Variants in OR51D1 observed in about 807,000 individuals in gnomAD.
OR51D1 encodes olfactory receptor 51D1.
For synonymous variants in OR51D1, 187 were observed against 161.1 expected (o/e 1.16, Z -1.22); for missense variants, 452 against 396.2 (o/e 1.14, Z -1.20).
chr11:4,640,108 G>T lies in OR51D1; in HGVS notation c.318G>T (p.Glu106Asp), dbSNP rs772781567. The change falls in exon 2 of 2, where the codon GAG becomes GAT. Residue 106 changes from glutamate (E) to aspartate (D), a missense_variant. Physicochemically the swap from Glu to Asp is conservative, Grantham distance 45. Transcript: ENST00000641817. ...SLFLMGIQEI[E>D]FNICLAQMFL... ...TCCTGATGGGCATCCAGGAGATCGA[G>T]TTCAACATTTGCCTGGCCCAGATGT... is the stretch of plus-strand genomic sequence containing the variant. 1 of 1,614,210 alleles carries T rather than the reference G, an allele frequency of 6.2e-7. No homozygotes were observed. Among genetic ancestry groups the T allele is most frequent in the South Asian group, 1.1e-5 (1 of 91,086 alleles).
At position 4,640,207 on chromosome 11, in the gene OR51D1, T is replaced by C. The variant is rs764478397; in HGVS notation, c.417T>C (p.Ile139=). The change falls in exon 2 of 2, where the codon ATT becomes ATC. Residue 139 remains isoleucine, a synonymous_variant. Coordinates refer to ENST00000641817, the MANE Select transcript of OR51D1 (RefSeq NM_001004751.3). ...TGGCTTTTGACCGCTTTGTGGCCAT[T>C]TGCCACCCATTGCGCCATGCTTCTG... ...LAMAFDRFVA[I]CHPLRHASVL... The C allele has an allele frequency of 7.4e-6, 12 of 1,614,206 alleles. No homozygotes were observed. The highest frequency in any genetic ancestry group is 2.2e-5 in the South Asian group (2 of 91,088).
At position 4,640,536 on chromosome 11, in the gene OR51D1, A is replaced by G. The variant is rs1846953945; in HGVS notation, c.746A>G (p.Lys249Arg). Residue 249 changes from lysine (K) to arginine (R), a missense_variant, in exon 2 of 2, where the codon AAG becomes AGG. Physicochemically the swap from Lys to Arg is conservative, Grantham distance 26. Coordinates refer to ENST00000641817, the MANE Select transcript of OR51D1 (RefSeq NM_001004751.3). ...LELSSRRAALKAFNTCISHLC... is the reference protein window; with the variant it reads ...LELSSRRAALRAFNTCISHLC... ...CTGTCCTCTCGGAGGGCAGCACTCA[A>G]GGCTTTCAACACCTGCATCTCCCAC... 1 of 1,612,722 alleles carries G rather than the reference A, an allele frequency of 6.2e-7. No individual in the cohort carries two copies. Among genetic ancestry groups the G allele is most frequent in the Non-Finnish European group, 8.5e-7 (1 of 1,179,872 alleles).
chr11:4,639,960 C>T lies in OR51D1; in HGVS notation c.170C>T (p.Thr57Ile), dbSNP rs138224979. The change falls in exon 2 of 2, where the codon ACC becomes ATC. Residue 57 changes from threonine (T) to isoleucine (I), a missense_variant. By Grantham distance (89) the Thr-to-Ile change is moderately conservative. Coordinates refer to ENST00000641817, the MANE Select transcript of OR51D1 (RefSeq NM_001004751.3). ...GCCTTGGCCACCCTGGGTAACCTGA[C>T]CATTGTCCTCATCATTCGTGTGGAG... Reference protein sequence around the residue: ...MYALATLGNLTIVLIIRVERR... With the variant: ...MYALATLGNLIIVLIIRVERR... 8 of 1,614,164 alleles carry T rather than the reference C, an allele frequency of 5.0e-6. No individual in the cohort carries two copies. The highest frequency in any genetic ancestry group is 6.8e-6 in the Non-Finnish European group (8 of 1,180,018).
Position 4,639,884 on chromosome 11 carries a change from C to T in OR51D1, c.94C>T (p.Leu32=), listed in dbSNP as rs750991124. ...CTTCCTTTTGGTGGGTATCCCTGGC[C>T]TGGGGCCTACCATACACTTTTGGCT... ...AYFLLVGIPG[L]GPTIHFWLAF... The change falls in exon 2 of 2, where the codon CTG becomes TTG. Residue 32 remains leucine (L), a synonymous_variant. Transcript: ENST00000641817. The T allele has an allele frequency of 6.2e-7, 1 of 1,614,200 alleles. No homozygotes were observed. Among genetic ancestry groups the T allele is most frequent in the East Asian group, 2.2e-5 (1 of 44,888 alleles).
rs1460918689 is a variant in OR51D1, at chr11:4,642,149, G to A, written c.*1384G>A. On this transcript the variant is annotated 3_prime_UTR_variant, in exon 2 of 2. Coordinates refer to ENST00000641817, the MANE Select transcript of OR51D1 (RefSeq NM_001004751.3). Reference sequence around the variant, plus strand: ...GATAGCTCAGTCTGTCAGAATGAAAGGAAACACGGTGCTTCCTTGCTCCAC... The same window carrying A: ...GATAGCTCAGTCTGTCAGAATGAAAAGAAACACGGTGCTTCCTTGCTCCAC... The A allele has an allele frequency of 6.6e-6, 1 of 152,204 alleles. No individual in the cohort carries two copies. The highest frequency in any genetic ancestry group is 1.5e-5 in the Non-Finnish European group (1 of 68,034). 9.4% of individuals were successfully genotyped at this position (152,204 alleles called of 1,614,324 possible).
At position 4,640,636 on chromosome 11, in the gene OR51D1, C is replaced by T. The variant is rs1352411314; in HGVS notation, c.846C>T (p.Ser282=). 2 of 1,613,692 alleles carry T rather than the reference C, an allele frequency of 1.2e-6. No individual in the cohort carries two copies. The highest frequency in any genetic ancestry group is 1.7e-6 in the Non-Finnish European group (2 of 1,179,992). ...TGCATAGGCTGGGTGGTCCCACCTC[C>T]CTCCTCCATGTGGTTATGGCTAATA... ...SVVHRLGGPT[S]LLHVVMANTY... Residue 282 remains serine (S), a synonymous_variant, in exon 2 of 2, where the codon TCC becomes TCT. Transcript: ENST00000641817.
At position 4,640,843 on chromosome 11, in the gene OR51D1, A is replaced by T; in HGVS notation, c.*78A>T. 7.3e-7 allele frequency: 1 copy of T among 1,363,220 alleles called. No individual in the cohort carries two copies. The highest frequency in any genetic ancestry group is 1.0e-6 in the Non-Finnish European group (1 of 996,670). 84.4% of individuals were successfully genotyped at this position (1,363,220 alleles called of 1,614,324 possible). A position where few individuals can be genotyped will look rare whatever the true frequency, so the allele number is the denominator to read the frequency against. On this transcript the variant is annotated 3_prime_UTR_variant, in exon 2 of 2. Transcript: ENST00000641817. ...ATCCTATTGAATGCCTTGGTGATTAAAGTATCAAACCTATTGTGCTGTCTT... is the reference window on the plus strand; with the variant it reads ...ATCCTATTGAATGCCTTGGTGATTATAGTATCAAACCTATTGTGCTGTCTT...
In OR51D1 at chr11:4,640,592, C is replaced by G. The variant is rs572208965; in HGVS notation, c.802C>G (p.Leu268Val). The part of the protein sequence containing the change: ...LCAVLVFYVP[L>V]IGLSVVHRLG... The stretch of plus-strand genomic sequence containing the variant: ...TGCTGTTCTGGTCTTCTATGTACCC[C>G]TCATTGGGCTCTCGGTGGTGCATAG... The change falls in exon 2 of 2, where the codon CTC becomes GTC. Residue 268 changes from leucine (L) to valine (V), a missense_variant. Physicochemically the swap from Leu to Val is conservative, Grantham distance 32. Transcript: ENST00000641817. The G allele has an allele frequency of 6.2e-7, 1 of 1,613,584 alleles. No homozygotes were observed. Among genetic ancestry groups the G allele is most frequent in the East Asian group, 2.2e-5 (1 of 44,868 alleles).
In OR51D1 at chr11:4,640,521, G is replaced by C. The variant is rs747448893; in HGVS notation, c.731G>C (p.Arg244Pro). ...TGGGCTGTTTTGGAGCTGTCCTCTC[G>C]GAGGGCAGCACTCAAGGCTTTCAAC... The part of the protein sequence containing the change: ...ILWAVLELSS[R>P]RAALKAFNTC... The change falls in exon 2 of 2, where the codon CGG (arginine) becomes CCG (proline). Residue 244 changes from arginine to proline, a missense_variant. Transcript: ENST00000641817. 1.2e-6 allele frequency: 2 copies of C among 1,613,640 alleles called. No individual in the cohort carries two copies. Among genetic ancestry groups the C allele is most frequent in the Non-Finnish European group, 1.7e-6 (2 of 1,179,972 alleles).
In OR51D1 at chr11:4,640,455, T is replaced by C. The variant is rs1373374215; in HGVS notation, c.665T>C (p.Val222Ala). 6.2e-7 allele frequency: 1 copy of C among 1,614,174 alleles called. No homozygotes were observed. The highest frequency in any genetic ancestry group is 1.7e-5 in the Admixed American group (1 of 60,026). Reference protein sequence around the residue: ...GLFIILSVMGVDSLFIGFSYI... With the variant: ...GLFIILSVMGADSLFIGFSYI... ...TTCATCATCCTCTCAGTCATGGGTG[T>C]GGACTCTCTCTTCATTGGCTTCTCA... Residue 222 changes from valine (V) to alanine (A), a missense_variant, in exon 2 of 2, where the codon GTG becomes GCG. Val to Ala is a moderately conservative substitution (Grantham distance 64). Coordinates refer to ENST00000641817, the MANE Select transcript of OR51D1 (RefSeq NM_001004751.3).
chr11:4,637,987 C>T (rs1846918707), intron 1 of OR51D1, among the ~76,000 whole-genome samples: 1 of 152,162 alleles, frequency 6.6e-6, no homozygotes, highest in Non-Finnish European at 1.5e-5. Context: ...ACTTGCTCAG[C>T]AGGAGCCCCA....
Position 4,642,556 on chromosome 11 carries a change from C to CA in OR51D1, c.*1812dup, listed in dbSNP as rs34699024. The CA allele has an allele frequency of 0.52, 39,234 of 76,114 alleles. 11,397 individuals are homozygous for CA. The highest frequency in any genetic ancestry group is 0.66 in the African/African-American group (12,858 of 19,576). The allele number at this position is 76,114 out of a possible 1,614,324, so 4.7% of individuals were successfully genotyped here. On this transcript the variant is annotated 3_prime_UTR_variant, in exon 2 of 2. Transcript: ENST00000641817. The stretch of plus-strand genomic sequence containing the variant: ...CTGGTGACAGAGCAAGACTCTGTGT[C>CA]AAAAAAAAAAAAAAAAAAAAAGCCT...
intron 1 of OR51D1, among the ~76,000 whole-genome samples, chr11:4,638,102 G>A (rs1468336737): frequency 6.6e-6 from 1 of 152,120 alleles, no homozygotes; most frequent in Non-Finnish European, 1.5e-5. Flanking sequence ...TTATAATCAG[G>A]GCAGAGTGGA....
rs1311945180 is a variant in OR51D1 at position 4,640,195 on chromosome 11, C to T, written c.405C>T (p.Arg135=). The change falls in exon 2 of 2, where the codon CGC becomes CGT. Residue 135 remains arginine (R), a synonymous_variant. Transcript: ENST00000641817. The stretch of plus-strand genomic sequence containing the variant: ...TCCTGCTGGCCATGGCTTTTGACCG[C>T]TTTGTGGCCATTTGCCACCCATTGC... ...SAVLLAMAFD[R]FVAICHPLRH... is the part of the protein sequence containing the mutation. 3.7e-6 allele frequency: 6 copies of T among 1,614,098 alleles called. No homozygotes were observed. The highest frequency in any genetic ancestry group is 5.1e-6 in the Non-Finnish European group (6 of 1,180,054).
intron 1 of OR51D1, among the ~76,000 whole-genome samples, chr11:4,638,332 G>T (rs985332138): frequency 6.6e-6 from 1 of 152,108 alleles, no homozygotes; most frequent in East Asian, 1.9e-4. Context: ...AGGCCCATAG[G>T]CTATCCAGGT....
In OR51D1 at chr11:4,640,451, G is replaced by A. The variant is rs1162028810; in HGVS notation, c.661G>A (p.Gly221Ser). ...YGLFIILSVM[G>S]VDSLFIGFSY... ...ACTCTTCATCATCCTCTCAGTCATG[G>A]GTGTGGACTCTCTCTTCATTGGCTT... The change falls in exon 2 of 2, where the codon GGT (glycine) becomes AGT (serine). Residue 221 changes from glycine to serine, a missense_variant. Gly to Ser is a moderately conservative substitution (Grantham distance 56). Transcript: ENST00000641817. The A allele has an allele frequency of 1.2e-6, 2 of 1,613,926 alleles. No homozygotes were observed. The highest frequency in any genetic ancestry group is 1.3e-5 in the African/African-American group (1 of 74,856).
rs1397597464 is a variant in OR51D1 at position 4,641,668 on chromosome 11, A to G, written c.*903A>G. On this transcript the variant is annotated 3_prime_UTR_variant, in exon 2 of 2. Transcript: ENST00000641817. Reference sequence around the variant, plus strand: ...AATGCTGCCTCTACCTTTTCTTCCTATTTGTACTATGTGAATGTGGTGCAT... The same window carrying G: ...AATGCTGCCTCTACCTTTTCTTCCTGTTTGTACTATGTGAATGTGGTGCAT... 6.6e-6 allele frequency: 1 copy of G among 152,148 alleles called. No individual in the cohort carries two copies. Among genetic ancestry groups the G allele is most frequent in the East Asian group, 1.9e-4 (1 of 5,164 alleles). The allele number at this position is 152,148 out of a possible 1,614,324, so 9.4% of individuals were successfully genotyped here.
intron 1 of OR51D1, among the ~76,000 whole-genome samples, chr11:4,638,003 C>T (rs1440346568): frequency 6.6e-6 from 1 of 152,056 alleles, no homozygotes; most frequent in African/African-American, 2.4e-5. Context: ...CCCCAGGTGT[C>T]CAGTTTTGCT....
chr11:4,638,940 G>A (rs976496961), intron 1 of OR51D1, among the ~76,000 whole-genome samples: 16 of 151,944 alleles, frequency 1.1e-4, no homozygotes, highest in East Asian at 5.8e-4. Context: ...TTACAGGTGC[G>A]CTCCACCAAG....
Sources: gnomAD v4.1 joint callset for allele counts (sites outside exome capture counted in the v4.1 genomes callset) on GRCh38, gnomAD v4.1.1 for gene constraint, MANE v1.5 for transcripts, NCBI Gene and HGNC (gene_info 2026-07-23, HGNC 2026-07-21) for gene names.